PLXNA4: variants seen among roughly 807,000 people sequenced by gnomAD.
PLXNA4 encodes plexin A4.
A neutral mutation model predicts 191.8 loss-of-function variants in PLXNA4; 44 were observed. The ratio of observed to expected loss-of-function variants is 0.23; its 90% CI spans 0.18 to 0.29. The LOEUF (loss-of-function observed/expected upper bound fraction) is 0.29, where lower values mean the gene tolerates loss of function less well. PLXNA4 is among the 10% of genes least tolerant of loss of function. The probability of loss-of-function intolerance (pLI) is 1.00; values close to 1 mark genes in which losing one functional copy is unlikely to be tolerated. For missense variants in PLXNA4, 1,800 were observed against 2,488.8 expected, an observed-to-expected ratio of 0.72 and a Z score of 5.89; for synonymous variants, 1,082 against 1,009.5, an observed-to-expected ratio of 1.07 and a Z score of -1.36.
At chr7:132,133,907 C>T (rs1795040190) in intron 30 of PLXNA4, among the ~76,000 whole-genome samples, 1 of 152,176 alleles carries the variant, frequency 6.6e-6, no homozygotes, top group Admixed American at 6.5e-5. Flanking sequence ...TACTTTTGGG[C>T]TTGTGGACTG....
At chr7:132,629,355 T>C (rs1394894751) in intron 2 of PLXNA4, among the ~76,000 whole-genome samples, 4 of 152,224 alleles carry the variant, frequency 2.6e-5, no homozygotes, top group African/African-American at 9.6e-5. Context: ...AAGTCATAGA[T>C]AGATACCTGA....
At chr7:132,331,024 CAGAGT>C (rs1449795648) in intron 3 of PLXNA4, among the ~76,000 whole-genome samples, 3 of 152,192 alleles carry the variant, frequency 2.0e-5, no homozygotes. Flanking sequence ...CGTGTCAAGA[CAGAGT>C]AGAGAGTGAG....
chr7:132,633,724 C>T (rs1402387919), intron 2 of PLXNA4, among the ~76,000 whole-genome samples: 1 of 152,166 alleles, frequency 6.6e-6, no homozygotes, highest in Non-Finnish European at 1.5e-5. Context: ...CCCCCAGCTG[C>T]GTCCCTGACT....
At chr7:132,351,195 T>C (rs1393296857) in intron 3 of PLXNA4, among the ~76,000 whole-genome samples, 2 of 152,206 alleles carry the variant, frequency 1.3e-5, no homozygotes, top group Non-Finnish European at 2.9e-5. Context: ...AATAAGAATG[T>C]TCTAAAATTG....
chr7:132,392,841 G>A (rs1489994646), intron 3 of PLXNA4, among the ~76,000 whole-genome samples: 1 of 152,104 alleles, frequency 6.6e-6, no homozygotes, highest in Non-Finnish European at 1.5e-5. Context: ...GTCCTGCTGA[G>A]CCCCAGGCTG....
In PLXNA4 at chr7:132,174,505, G is replaced by T. The variant is rs1045602633; in HGVS notation, c.4017+273C>A. Among the ~76,000 whole-genome samples, 7 of 152,208 alleles carry T rather than the reference G, an allele frequency of 4.6e-5. 1 individual carries two copies. In the South Asian group the frequency reaches 1.2e-3, roughly 27 times the overall value. ...TTTCTGTGCATATGTAGTTTTTTCT[G>T]GGGAGAGGGTCATCAACTACTTCCA... On this transcript the variant is annotated intron_variant, in intron 21 of 31. Transcript: ENST00000321063.
intron 1 of PLXNA4, among the ~76,000 whole-genome samples, chr7:132,509,173 G>A (rs1479666741): frequency 6.7e-6 from 1 of 150,220 alleles, no homozygotes; most frequent in East Asian, 2.0e-4. Context: ...GGGAGGGAGG[G>A]AGGGAGGGAG....
chr7:132,361,076 C>T (rs1351587628), intron 3 of PLXNA4, among the ~76,000 whole-genome samples: 3 of 152,214 alleles, frequency 2.0e-5, no homozygotes, highest in African/African-American at 7.2e-5. Context: ...CCATGCCATC[C>T]ACTTCCCCAA....
At chr7:132,276,495 G>A (rs1257272074) in intron 4 of PLXNA4, among the ~76,000 whole-genome samples, 1 of 151,928 alleles carries the variant, frequency 6.6e-6, no homozygotes, top group East Asian at 1.9e-4. Context: ...ATGGGTGCCT[G>A]CAGGAGGAGT....
At chr7:132,582,958 C>T (rs2116814975) in intron 2 of PLXNA4, among the ~76,000 whole-genome samples, 1 of 152,320 alleles carries the variant, frequency 6.6e-6, no homozygotes, top group South Asian at 2.1e-4. Flanking sequence ...CCCTTCAGAG[C>T]TCCGGGGTTA....
intron 5 of PLXNA4, among the ~76,000 whole-genome samples, chr7:132,236,792 T>C (rs1798716764): frequency 6.6e-6 from 1 of 152,122 alleles, no homozygotes; most frequent in Admixed American, 6.6e-5. Context: ...ATGGATGCCC[T>C]TCAGAGCAAG....
At chr7:132,178,486 TAA>T (rs1796551104) in intron 20 of PLXNA4, among the ~76,000 whole-genome samples, 1 of 152,114 alleles carries the variant, frequency 6.6e-6, no homozygotes, top group African/African-American at 2.4e-5. Flanking sequence ...CTGCCACACA[TAA>T]AAGAGATTCT....
chr7:132,553,389 AC>A (rs1433528078), intron 1 of PLXNA4, among the ~76,000 whole-genome samples: 1 of 152,104 alleles, frequency 6.6e-6, no homozygotes, highest in Non-Finnish European at 1.5e-5. Flanking sequence ...GGTTCCCCAG[AC>A]CCATCAGAAA....
At chr7:132,304,732 T>C (rs1563023437) in intron 3 of PLXNA4, among the ~76,000 whole-genome samples, 1 of 130,626 alleles carries the variant, frequency 7.7e-6, no homozygotes, top group East Asian at 2.4e-4. Context: ...GTTTGGTGAC[T>C]ATCCCCCGGA....
chr7:132,563,393 T>C (rs368022822), intron 1 of PLXNA4, among the ~76,000 whole-genome samples: 1,106 of 13,230 alleles, frequency 0.084, 63 homozygotes, highest in Admixed American at 0.32. Context: ...CCTCCTCCTC[T>C]TTCTCCTCCT....
chr7:132,378,495 C>A (rs892392639), intron 3 of PLXNA4, among the ~76,000 whole-genome samples: 22 of 152,162 alleles, frequency 1.4e-4, no homozygotes, highest in African/African-American at 5.3e-4. Flanking sequence ...CACCTCTCCC[C>A]TAGCATGTCA....
intron 1 of PLXNA4, among the ~76,000 whole-genome samples, chr7:132,512,265 C>T (rs557055040): frequency 6.6e-6 from 1 of 152,196 alleles, no homozygotes; most frequent in Non-Finnish European, 1.5e-5. Context: ...GCCTACCCCA[C>T]GACCTGCCTT....
chr7:132,346,573 C>T (rs938818745), intron 3 of PLXNA4, among the ~76,000 whole-genome samples: 9 of 152,194 alleles, frequency 5.9e-5, no homozygotes. Context: ...GTTTTCCCTA[C>T]TAGATTTAAA....
intron 5 of PLXNA4, among the ~76,000 whole-genome samples, chr7:132,238,188 T>C (rs1322514904): frequency 6.6e-6 from 1 of 152,174 alleles, no homozygotes; most frequent in African/African-American, 2.4e-5. Context: ...GAGGTCAAGC[T>C]TAATGAATCT....
Sources: allele counts gnomAD v4.1 joint callset (sites outside exome capture counted in the v4.1 genomes callset), GRCh38; gene constraint gnomAD v4.1.1; transcripts MANE v1.5; gene names NCBI Gene and HGNC (gene_info 2026-07-23, HGNC 2026-07-21).